The following MAP4K3 variants were observed in gnomAD, a reference collection of about 807,000 sequenced individuals.
The protein encoded by MAP4K3 is mitogen-activated protein kinase kinase kinase kinase 3.
In MAP4K3, 94 loss-of-function variants were observed where a neutral mutation model predicts 143.5. The observed-to-expected ratio is 0.65, with a 90% CI of 0.55 to 0.78. MAP4K3 has a LOEUF of 0.78. Among genes scored for constraint, MAP4K3 ranks in the 30% least tolerant of loss-of-function variants. The probability of loss-of-function intolerance (pLI) is 0.00; values close to 1 mark genes in which losing one functional copy is unlikely to be tolerated. For missense variants in MAP4K3, 1,077 were observed against 1,068.1 expected, an observed-to-expected ratio of 1.01 and a Z score of -0.12; for synonymous variants, 416 against 347.2, an observed-to-expected ratio of 1.20 and a Z score of -2.20.
chr2:39,309,309 G>A, intron 14 of MAP4K3, 152 bp downstream of exon 14: 1 of 538,524 alleles, frequency 1.9e-6, no homozygotes, highest in Middle Eastern at 3.9e-4. Context: ...TTTTTTTGTA[G>A]AGACAGGGTC....
At chr2:39,434,943 A>C (rs945507995) in intron 1 of MAP4K3, among the ~76,000 whole-genome samples, 1 of 152,138 alleles carries the variant, frequency 6.6e-6, no homozygotes, top group Admixed American at 6.5e-5. Context: ...TACAGGCCCT[A>C]ATTTTTTTTT....
intron 3 of MAP4K3, among the ~76,000 whole-genome samples, chr2:39,349,875 C>T (rs1665403319): frequency 6.6e-6 from 1 of 152,088 alleles, no homozygotes. Flanking sequence ...ATATTTGTAT[C>T]CCTCAGAACT....
intron 1 of MAP4K3, among the ~76,000 whole-genome samples, chr2:39,433,780 G>A (rs1665366560): frequency 6.6e-6 from 1 of 152,120 alleles, no homozygotes; most frequent in Admixed American, 6.5e-5. Context: ...AAAGCCTGCA[G>A]AGTTACACGA....
At chr2:39,354,225 C>T (rs777394988) in intron 3 of MAP4K3, among the ~76,000 whole-genome samples, 14 of 151,934 alleles carry the variant, frequency 9.2e-5, no homozygotes, top group African/African-American at 1.7e-4. Flanking sequence ...GGGTGGATCA[C>T]GAGGTCAGGA....
intron 1 of MAP4K3, among the ~76,000 whole-genome samples, chr2:39,412,884 A>T (rs1189119848): frequency 6.6e-6 from 1 of 152,222 alleles, no homozygotes; most frequent in Non-Finnish European, 1.5e-5. Context: ...CAAATCTGGC[A>T]ATCAAGAGGC....
chr2:39,292,504 C>T (rs1393028237), intron 18 of MAP4K3, among the ~76,000 whole-genome samples: 1 of 152,198 alleles, frequency 6.6e-6, no homozygotes, highest in Admixed American at 6.5e-5. Context: ...GCCAAGAAGG[C>T]AGCCCTCACC....
intron 1 of MAP4K3, among the ~76,000 whole-genome samples, chr2:39,399,795 T>C (rs912712412): frequency 2.6e-5 from 4 of 152,230 alleles, no homozygotes; most frequent in African/African-American, 9.6e-5. Context: ...GTTACAAGCA[T>C]ACATTTTAGT....
intron 1 of MAP4K3, among the ~76,000 whole-genome samples, chr2:39,401,954 A>T (rs1362844531): frequency 6.6e-6 from 1 of 152,220 alleles, no homozygotes; most frequent in Non-Finnish European, 1.5e-5. Context: ...ATAATCATGT[A>T]AAAAAGTAAG....
At chr2:39,265,455 G>T in intron 27 of MAP4K3, 149 bp from the exon 28 acceptor site, 1 of 674,474 alleles carries the variant, frequency 1.5e-6, no homozygotes, top group Non-Finnish European at 2.7e-6. Context: ...TAATTAGAGG[G>T]CTGGGTGAAA....
At chr2:39,278,552 AT>A in intron 23 of MAP4K3, 66 bp from the exon 24 acceptor site, 2 of 862,140 alleles carry the variant, frequency 2.3e-6, no homozygotes, top group Non-Finnish European at 3.7e-6. Flanking sequence ...GATTTCTATA[AT>A]CTAAACTTCC....
intron 3 of MAP4K3, among the ~76,000 whole-genome samples, chr2:39,355,381 A>G (rs1172949837): frequency 1.3e-5 from 2 of 149,890 alleles, no homozygotes; most frequent in Non-Finnish European, 3.0e-5. Flanking sequence ...AAAAAAAAAA[A>G]AAGGCTGGGC....
intron 22 of MAP4K3, among the ~76,000 whole-genome samples, chr2:39,281,603 T>A (rs930359524): frequency 1.3e-5 from 2 of 152,128 alleles, no homozygotes; most frequent in Non-Finnish European, 2.9e-5. Flanking sequence ...AATCTTAAGC[T>A]AATTTGTATA....
chr2:39,298,701 C>T (rs752360208), intron 16 of MAP4K3, among the ~76,000 whole-genome samples: 1 of 152,130 alleles, frequency 6.6e-6, no homozygotes, highest in Non-Finnish European at 1.5e-5. Context: ...CGGTGGCTCA[C>T]ACCTGTAATC....
rs1314275572 is a variant in MAP4K3 at position 39,250,660 on chromosome 2, A to C, written c.2643T>G (p.Asn881Lys). 6.2e-7 allele frequency: 1 copy of C among 1,614,020 alleles called. No homozygotes were observed. The highest frequency in any genetic ancestry group is 1.1e-5 in the South Asian group (1 of 91,052). The change falls in exon 34 of 34, where the codon AAT becomes AAG. Residue 881 changes from asparagine to lysine, a missense_variant. Asn to Lys is a moderately conservative substitution (Grantham distance 94). Coordinates refer to ENST00000263881, the MANE Select transcript of MAP4K3 (RefSeq NM_003618.4). ...ESRPTDNPTA[N>K]SNLYILAGHE... ...GACCCGCCAGGATGTACAAATTGCT[A>C]TTTGCTGTGGGGTTATCAGTTGGCC... is the stretch of plus-strand genomic sequence containing the variant.
chr2:39,378,999 T>C (rs746299014), intron 1 of MAP4K3, among the ~76,000 whole-genome samples: 3 of 152,066 alleles, frequency 2.0e-5, no homozygotes, highest in Non-Finnish European at 4.4e-5. Context: ...CAATTTGATA[T>C]TTTAAACTGT....
intron 1 of MAP4K3, among the ~76,000 whole-genome samples, chr2:39,406,847 G>T (rs892410879): frequency 6.6e-6 from 1 of 152,180 alleles, no homozygotes; most frequent in Non-Finnish European, 1.5e-5. Flanking sequence ...TGTAATTGCG[G>T]TATGTAAACT....
intron 15 of MAP4K3, among the ~76,000 whole-genome samples, chr2:39,304,882 G>A (rs1041582088): frequency 5.9e-5 from 9 of 152,120 alleles, no homozygotes; most frequent in Non-Finnish European, 1.2e-4. Flanking sequence ...CCTTAAAAAG[G>A]AAATTCTGAC....
intron 3 of MAP4K3, among the ~76,000 whole-genome samples, chr2:39,355,581 T>G (rs1665589303): frequency 6.6e-6 from 1 of 152,002 alleles, no homozygotes; most frequent in Non-Finnish European, 1.5e-5. Context: ...TTCTCTAATC[T>G]TCCCTTGGAG....
chr2:39,335,568 A>G (rs753647207), intron 6 of MAP4K3, among the ~76,000 whole-genome samples: 19 of 152,120 alleles, frequency 1.2e-4, no homozygotes, highest in Middle Eastern at 3.2e-3. Flanking sequence ...ATGGCCTCAC[A>G]CTTTCTAACT....
Sources: gnomAD v4.1 joint callset for allele counts (sites outside exome capture counted in the v4.1 genomes callset) on GRCh38, gnomAD v4.1.1 for gene constraint, MANE v1.5 for transcripts, NCBI Gene and HGNC (gene_info 2026-07-23, HGNC 2026-07-21) for gene names.